Variants in ZNF280D observed in about 807,000 individuals in gnomAD.
ZNF280D encodes suppressor of hairy wing homolog 4.
In ZNF280D, 39 loss-of-function variants were observed where a neutral mutation model predicts 94.7. The observed-to-expected ratio is 0.41, with a 90% CI of 0.32 to 0.54. The LOEUF (loss-of-function observed/expected upper bound fraction) is 0.54, where lower values mean the gene tolerates loss of function less well. Ranked by LOEUF, ZNF280D falls within the 20% of genes least tolerant of loss-of-function variation. The pLI, the probability that ZNF280D is intolerant of heterozygous loss-of-function variation, is 0.22. For synonymous variants in ZNF280D, 398 were observed against 377.6 expected, an observed-to-expected ratio of 1.05 and a Z score of -0.63; for missense variants, 1,090 against 1,149.3, an observed-to-expected ratio of 0.95 and a Z score of 0.75.
chr15:56,723,130 A>G (rs758381427), intron 1 of ZNF280D, among the ~76,000 whole-genome samples: 1 of 151,874 alleles, frequency 6.6e-6, no homozygotes, highest in Non-Finnish European at 1.5e-5. Flanking sequence ...CTACTGCTAG[A>G]TGACGAGTTA....
intron 3 of ZNF280D, among the ~76,000 whole-genome samples, chr15:56,705,646 CTT>C (rs1209223856): frequency 6.6e-6 from 1 of 152,162 alleles, no homozygotes; most frequent in African/African-American, 2.4e-5. Flanking sequence ...CCTCCTAACT[CTT>C]GGTTCAATTA....
At chr15:56,697,427 C>A (rs1170549056) in intron 6 of ZNF280D, among the ~76,000 whole-genome samples, 1 of 152,198 alleles carries the variant, frequency 6.6e-6, no homozygotes, top group Non-Finnish European at 1.5e-5. Flanking sequence ...TCAGGTGATC[C>A]ACTCGCCTCG....
chr15:56,669,858 ATATATATATATATTT>A (rs1566959208), intron 13 of ZNF280D, among the ~76,000 whole-genome samples: 7 of 10,974 alleles, frequency 6.4e-4, no homozygotes, highest in East Asian at 3.5e-3. Context: ...TCATTATTTT[ATATATATATATATTT>A]TATATATATA....
intron 9 of ZNF280D, among the ~76,000 whole-genome samples, chr15:56,682,934 A>T (rs1052388982): frequency 1.3e-5 from 2 of 152,066 alleles, no homozygotes; most frequent in African/African-American, 4.8e-5. Context: ...AAATATACAA[A>T]AATTATATAA....
chr15:56,655,749 A>G (rs1481852849), intron 17 of ZNF280D, among the ~76,000 whole-genome samples: 3 of 152,258 alleles, frequency 2.0e-5, no homozygotes, highest in Non-Finnish European at 2.9e-5. Flanking sequence ...GTTTTAAAAT[A>G]TTAAGCCTGT....
At chr15:56,669,131 G>A (rs1458181619) in intron 13 of ZNF280D, among the ~76,000 whole-genome samples, 174 bp from the exon 14 acceptor site, 1 of 151,914 alleles carries the variant, frequency 6.6e-6, no homozygotes, top group Non-Finnish European at 1.5e-5. Flanking sequence ...CATTACATTA[G>A]TATTTGGGTT....
At chr15:56,707,359 T>C in intron 1 of ZNF280D, 53 bp from the exon 2 acceptor site, 3 of 1,438,292 alleles carry the variant, frequency 2.1e-6, no homozygotes, top group Admixed American at 2.0e-5. Flanking sequence ...ATTAGATGTA[T>C]ACATATTTAA....
chr15:56,730,372 A>G (rs554103119), intron 1 of ZNF280D: 2 of 152,364 alleles, frequency 1.3e-5, no homozygotes, highest in African/African-American at 4.8e-5. Flanking sequence ...TGCTTTTGGA[A>G]TAACAAAGTA....
rs111649661 is a variant in ZNF280D at position 56,717,969 on chromosome 15, A to C, written c.-85-10663T>G. Among the ~76,000 whole-genome samples the C allele has an allele frequency of 6.0e-4, 91 of 152,348 alleles. 5 individuals are homozygous for C. Among genetic ancestry groups the C allele is most frequent in the African/African-American group, 2.1e-3 (86 of 41,590 alleles). ...GTGAGAAAGATCATCAAAGAAAAAT[A>C]TGAAAAATTTAAACATTATGTGACT... On this transcript the variant is annotated intron_variant, in intron 1 of 21. Coordinates refer to ENST00000267807, the MANE Select transcript of ZNF280D (RefSeq NM_017661.4).
chr15:56,662,544 G>A (rs1419409723), intron 16 of ZNF280D, among the ~76,000 whole-genome samples: 1 of 151,992 alleles, frequency 6.6e-6, no homozygotes, highest in African/African-American at 2.4e-5. Flanking sequence ...GGCAAAATAG[G>A]GCCAGGCACG....
At chr15:56,725,472 T>C (rs1238511982) in intron 1 of ZNF280D, among the ~76,000 whole-genome samples, 1 of 152,210 alleles carries the variant, frequency 6.6e-6, no homozygotes, top group African/African-American at 2.4e-5. Flanking sequence ...AGTGGTATTG[T>C]TTTACATTTT....
At chr15:56,676,631 A>T in intron 13 of ZNF280D, 39 bp downstream of exon 13, 2 of 1,534,460 alleles carry the variant, frequency 1.3e-6, no homozygotes, top group Non-Finnish European at 1.8e-6. Context: ...TTTTTCACTA[A>T]GACAACATAA....
chr15:56,640,125 A>G (rs1358434107), intron 20 of ZNF280D, among the ~76,000 whole-genome samples: 1 of 152,196 alleles, frequency 6.6e-6, no homozygotes, highest in Non-Finnish European at 1.5e-5. Context: ...TAAGGTACAG[A>G]AAAGGAAAAG....
intron 7 of ZNF280D, among the ~76,000 whole-genome samples, chr15:56,692,426 A>G (rs1157512362): frequency 6.6e-6 from 1 of 152,104 alleles, no homozygotes; most frequent in African/African-American, 2.4e-5. Flanking sequence ...TTGCTAAGAT[A>G]CAAAGAGTAA....
intron 10 of ZNF280D, among the ~76,000 whole-genome samples, chr15:56,679,488 T>C (rs191070514): frequency 1.9e-4 from 29 of 152,366 alleles, no homozygotes; most frequent in African/African-American, 5.8e-4. Flanking sequence ...CAGTGCCCTT[T>C]GTAGGCAACA....
At chr15:56,635,324 C>T (rs567784921) in intron 20 of ZNF280D, 74 bp from the exon 21 acceptor site, 381 of 745,106 alleles carry the variant, frequency 5.1e-4, no homozygotes, top group Non-Finnish European at 6.7e-4. Flanking sequence ...ACTAAACTTT[C>T]TGGATAAAAG....
At chr15:56,657,448 G>A (rs989191601) in intron 17 of ZNF280D, among the ~76,000 whole-genome samples, 8 of 152,026 alleles carry the variant, frequency 5.3e-5, no homozygotes, top group South Asian at 4.1e-4. Context: ...TATTGTTGGC[G>A]AGCCTTATTT....
chr15:56,654,475 C>A lies in ZNF280D; in HGVS notation c.2086G>T (p.Asp696Tyr). 1 of 1,607,332 alleles carries A rather than the reference C, an allele frequency of 6.2e-7. No individual in the cohort carries two copies. Among genetic ancestry groups the A allele is most frequent in the South Asian group, 1.1e-5 (1 of 89,594 alleles). The change falls in exon 18 of 22, where the codon GAT becomes TAT. Residue 696 changes from aspartate to tyrosine, a missense_variant. By Grantham distance (160) the Asp-to-Tyr change is radical (BLOSUM62 -3). Coordinates refer to ENST00000267807, the MANE Select transcript of ZNF280D (RefSeq NM_017661.4). ...RGITLVCLNC[D>Y]FLSDVSGLDN... ...AAGCCAGAAACATCACTTAGGAAATCACAATTAAGGCACACTAGAGTAATG... is the reference window on the plus strand; with the variant it reads ...AAGCCAGAAACATCACTTAGGAAATAACAATTAAGGCACACTAGAGTAATG...
At chr15:56,658,175 G>A (rs893362276) in intron 17 of ZNF280D, among the ~76,000 whole-genome samples, 2 of 152,140 alleles carry the variant, frequency 1.3e-5, no homozygotes, top group Non-Finnish European at 2.9e-5. Flanking sequence ...ACTAGTTGTT[G>A]TTCAGGGATG....
Sources: allele counts gnomAD v4.1 joint callset (sites outside exome capture counted in the v4.1 genomes callset), GRCh38; gene constraint gnomAD v4.1.1; transcripts MANE v1.5; gene names NCBI Gene and HGNC (gene_info 2026-07-23, HGNC 2026-07-21).